The following POLG variants were observed in gnomAD, a reference collection of about 807,000 sequenced individuals.
POLG encodes DNA polymerase gamma, catalytic subunit, also known as DNA polymerase subunit gamma-1.
In POLG, 110 loss-of-function variants were observed where a neutral mutation model predicts 155.4. That is an observed-to-expected ratio of 0.71 (90% CI 0.61 to 0.83). POLG has a LOEUF of 0.83. Among genes scored for constraint, POLG ranks in the 40% least tolerant of loss-of-function variants. POLG has a pLI of 0.00. For missense variants in POLG, 1,685 were observed against 1,627.5 expected, an observed-to-expected ratio of 1.04 and a Z score of -0.61; for synonymous variants, 701 against 631.5, an observed-to-expected ratio of 1.11 and a Z score of -1.65.
chr15:89,326,307 C>T (rs1328937092), intron 9 of POLG, among the ~76,000 whole-genome samples: 2 of 152,208 alleles, frequency 1.3e-5, no homozygotes, highest in African/African-American at 2.4e-5. Flanking sequence ...GGCTGGTCTA[C>T]GTGCCTGGCT....
chr15:89,318,556 GTGA>G lies in POLG; in HGVS notation c.3464_3466del (p.Ile1155del). On this transcript the variant is annotated inframe_deletion, in exon 21 of 23. Transcript: ENST00000268124. ...CCCCGCATACCTGGTCAAGAGGTTG[GTGA>G]TCTGCAAGGCCAGGGCAGCGCGGTA... is the stretch of plus-strand genomic sequence containing the variant. 1 of 1,613,476 alleles carries G rather than the reference GTGA, an allele frequency of 6.2e-7. No homozygotes were observed. Among genetic ancestry groups the G allele is most frequent in the Non-Finnish European group, 8.5e-7 (1 of 1,179,994 alleles).
chr15:89,325,305 T>C (rs2055499256), intron 10 of POLG, 145 bp downstream of exon 10: 1 of 684,162 alleles, frequency 1.5e-6, no homozygotes, highest in Middle Eastern at 4.1e-4. Context: ...AGAGGGTGTG[T>C]GTGTGTGTGT....
Position 89,325,085 on chromosome 15 carries a change from A to AGTGAGTGAGAGAGAGAGTGAGTGAGT in POLG, c.1949+364_1949+365insACTCACTCACTCTCTCTCTCACTCAC, listed in dbSNP as rs1162839671. On this transcript the variant is annotated intron_variant, in intron 10 of 22. Coordinates refer to ENST00000268124, the MANE Select transcript of POLG (RefSeq NM_002693.3). ...GTGAGTGAGTGAGTGAGTGAGTGAG[A>AGTGAGTGAGAGAGAGAGTGAGTGAGT]GAGTGAGTGAGTGAGAGAGTGAGAG... 3.9e-5 allele frequency among the ~76,000 whole-genome samples: 3 copies of AGTGAGTGAGAGAGAGAGTGAGTGAGT among 77,676 alleles called. 1 individual carries two copies. The highest frequency in any genetic ancestry group is 2.6e-4 in the African/African-American group (3 of 11,444). 51.0% of individuals were successfully genotyped at this position (77,676 alleles called of 152,430 possible). A position where few individuals can be genotyped will look rare whatever the true frequency, so the allele number is the denominator to read the frequency against.
At chr15:89,330,949 G>A (rs767410590) in intron 2 of POLG, among the ~76,000 whole-genome samples, 5 of 152,168 alleles carry the variant, frequency 3.3e-5, no homozygotes, top group Admixed American at 1.3e-4. Context: ...TTGGGGGCCC[G>A]ACACTGATTC....
rs143959521 is a variant in POLG at position 89,330,642 on chromosome 15, G to A, written c.660-366C>T. On this transcript the variant is annotated intron_variant, in intron 2 of 22. Coordinates refer to ENST00000268124, the MANE Select transcript of POLG (RefSeq NM_002693.3). ...TTTATGAACATTATCAACCCCTCAC[G>A]TCTACAGGCACAAACCAGCTACTGT... 6.6e-5 allele frequency among the ~76,000 whole-genome samples: 10 copies of A among 151,926 alleles called. 1 individual carries two copies. Among genetic ancestry groups the A allele is most frequent in the African/African-American group, 2.2e-4 (9 of 41,398 alleles).
chr15:89,332,773 A>G (rs2055611166), intron 2 of POLG, among the ~76,000 whole-genome samples: 1 of 152,176 alleles, frequency 6.6e-6, no homozygotes, highest in South Asian at 2.1e-4. Context: ...CTAACTTCTC[A>G]TGACGCTATT....
Position 89,333,293 on chromosome 15 carries a change from G to A in POLG, c.462C>T (p.Ala154=), listed in dbSNP as rs1018759424. The A allele has an allele frequency of 6.4e-7, 1 of 1,555,026 alleles. No homozygotes were observed. The highest frequency in any genetic ancestry group is 1.2e-5 in the South Asian group (1 of 86,204). The change falls in exon 2 of 23, where the codon GCC becomes GCT. Residue 154 remains alanine, a synonymous_variant. Transcript: ENST00000268124. ...QKQSLPYLEA[A]NLLLQAQLPP... ...GCAGCTGGGCCTGCAACAGCAAGTT[G>A]GCCGCCTCCAGGTAGGGCAGGCTCT...
rs1223325480 is a variant in POLG at position 89,318,608 on chromosome 15, A to G, written c.3415T>C (p.Tyr1139His). 1 of 1,614,200 alleles carries G rather than the reference A, an allele frequency of 6.2e-7. No individual in the cohort carries two copies. The highest frequency in any genetic ancestry group is 8.5e-7 in the Non-Finnish European group (1 of 1,180,022). Residue 1139 changes from tyrosine (Y) to histidine (H), a missense_variant, in exon 21 of 23, where the codon TAC becomes CAC. Transcript: ENST00000268124. ...FCISIHDEVR[Y>H]LVREEDRYRA... The stretch of plus-strand genomic sequence containing the variant: ...TAGCGGTCCTCCTCCCGCACCAGGT[A>G]GCGAACCTCGTCATGGATGCTGATG...
At chr15:89,320,672 A>G (rs2055381034) in intron 18 of POLG, 94 bp downstream of exon 18, 1 of 1,414,516 alleles carries the variant, frequency 7.1e-7, no homozygotes, top group Non-Finnish European at 9.8e-7. Context: ...GAGTTCAAGT[A>G]ATGGGCAGGA....
chr15:89,333,596 T>TTGCTGCTGCTGCTGCTGCTGCTGC lies in POLG; in HGVS notation c.135_158dup (p.Gln48_Gln55dup). 1.9e-6 allele frequency: 3 copies of TTGCTGCTGCTGCTGCTGCTGCTGC among 1,598,020 alleles called. No individual in the cohort carries two copies. Among genetic ancestry groups the TTGCTGCTGCTGCTGCTGCTGCTGC allele is most frequent in the Non-Finnish European group, 1.7e-6 (2 of 1,173,476 alleles). On this transcript the variant is annotated inframe_insertion, in exon 2 of 23. Coordinates refer to ENST00000268124, the MANE Select transcript of POLG (RefSeq NM_002693.3). ...GCACTTGCGGCTGCTGAGGCTGCTG[T>TTGCTGCTGCTGCTGCTGCTGCTGC]TGCTGCTGCTGCTGCTGCTGCTGCT... is the stretch of plus-strand genomic sequence containing the variant.
chr15:89,325,223 A>AGT (rs1555453362), intron 10 of POLG, among the ~76,000 whole-genome samples: 1 of 38,682 alleles, frequency 2.6e-5, no homozygotes, highest in African/African-American at 1.3e-4. Context: ...AGTGAGTGAG[A>AGT]GAGTGAGTGA....
Position 89,326,680 on chromosome 15 carries a change from G to C in POLG, c.1644C>G (p.Cys548Trp). Residue 548 changes from cysteine (C) to tryptophan (W), a missense_variant, in exon 9 of 23, where the codon TGC (cysteine) becomes TGG (tryptophan). Around this residue, in one of 3 missense-constraint regions of POLG, gnomAD observed 1,210 missense variants for 1,167.1 expected, o/e 1.04. Transcript: ENST00000268124. ...EFQQDVMARA[C>W]LQKLKGTTEL... ...CTGTGGTCCCCTTCAGCTTCTGCAA[G>C]CAGGCGCGGGCCATGACATCTTGTT... 1 of 1,614,158 alleles carries C rather than the reference G, an allele frequency of 6.2e-7. No individual in the cohort carries two copies. The highest frequency in any genetic ancestry group is 8.5e-7 in the Non-Finnish European group (1 of 1,180,046).
Position 89,333,806 on chromosome 15 carries a change from C to A in POLG, c.-52G>T. 6.5e-7 allele frequency: 1 copy of A among 1,532,194 alleles called. No individual in the cohort carries two copies. Among genetic ancestry groups the A allele is most frequent in the Non-Finnish European group, 8.7e-7 (1 of 1,144,104 alleles). The allele number at this position is 1,532,194 out of a possible 1,614,324, so 94.9% of individuals were successfully genotyped here. A position where few individuals can be genotyped will look rare whatever the true frequency, so the allele number is the denominator to read the frequency against. On this transcript the variant is annotated 5_prime_UTR_variant, in exon 2 of 23. Transcript: ENST00000268124. ...GAGTCAGAACACCTGGCTTTGGGCT[C>A]CAGCTTGGCTTCTTTTACTGGCTGG...
At chr15:89,330,924 G>A (rs1381232163) in intron 2 of POLG, among the ~76,000 whole-genome samples, 2 of 152,130 alleles carry the variant, frequency 1.3e-5, no homozygotes, top group Non-Finnish European at 2.9e-5. Context: ...AGGGATAGGG[G>A]ATGAGTGCTG....
Position 89,331,116 on chromosome 15 carries a change from G to A in POLG, c.660-840C>T, listed in dbSNP as rs550241289. 1.4e-3 allele frequency among the ~76,000 whole-genome samples: 204 copies of A among 149,064 alleles called. 7 individuals are homozygous for A. The South Asian group carries it at 0.039, about 29-fold the overall frequency. ...GGCCACGTGTGGACAACACAGCTGC[G>A]AAGGAGCTCCTTGCAACCTTTATGG... is the stretch of plus-strand genomic sequence containing the variant. On this transcript the variant is annotated intron_variant, in intron 2 of 22. Transcript: ENST00000268124.
At chr15:89,323,782 CACCT>C (rs2152063117) in intron 12 of POLG, 29 bp downstream of exon 12, 1 of 1,550,202 alleles carries the variant, frequency 6.5e-7, no homozygotes, top group East Asian at 2.2e-5. Flanking sequence ...ACCCAGCACC[CACCT>C]AGAGAACCCA....
Position 89,318,969 on chromosome 15 carries a change from T to G in POLG, c.3235A>C (p.Ile1079Leu), listed in dbSNP as rs756393846. 2 of 1,614,168 alleles carry G rather than the reference T, an allele frequency of 1.2e-6. No individual in the cohort carries two copies. The highest frequency in any genetic ancestry group is 1.7e-6 in the Non-Finnish European group (2 of 1,180,020). The change falls in exon 20 of 23, where the codon ATC (isoleucine) becomes CTC (leucine). Residue 1079 changes from isoleucine (I) to leucine (L), a missense_variant. Ile to Leu is a conservative substitution (Grantham distance 5, BLOSUM62 2). Transcript: ENST00000268124. ...IPRTPVLGCC[I>L]SRALEPSAVQ... ...GCCGAGGGCTCCAGGGCTCGGCTGA[T>G]GCAGCAGCCCAGCACCGGGGTACGT...
At chr15:89,328,628 A>G in intron 5 of POLG, 57 bp downstream of exon 5, 1 of 1,608,078 alleles carries the variant, frequency 6.2e-7, no homozygotes, top group Admixed American at 1.7e-5. Context: ...CATCTCCCCA[A>G]GTGCAGCTAG....
At chr15:89,334,352 G>C (rs1447055154) in intron 1 of POLG, 1 of 153,668 alleles carries the variant, frequency 6.5e-6, no homozygotes, top group Non-Finnish European at 1.4e-5. Context: ...CTCGGCAAAT[G>C]GTGGCTGCCA....
Sources: gnomAD v4.1 joint callset for allele counts (sites outside exome capture counted in the v4.1 genomes callset) on GRCh38, gnomAD v4.1.1 for gene constraint, gnomAD v4.1.1 regional missense constraint, MANE v1.5 for transcripts, NCBI Gene and HGNC (gene_info 2026-07-23, HGNC 2026-07-21) for gene names.